The following SLIT2 variants were observed in gnomAD, a reference collection of about 807,000 sequenced individuals.
SLIT2 encodes the protein slit guidance ligand 2, also known as slit homolog 2 protein.
A neutral mutation model predicts 185.7 loss-of-function variants in SLIT2; 41 were observed. The observed-to-expected ratio is 0.22, with a 90% confidence interval of 0.17 to 0.29. The LOEUF (loss-of-function observed/expected upper bound fraction) is 0.29, where lower values mean the gene tolerates loss of function less well. Ranked by LOEUF, SLIT2 falls within the 10% of genes least tolerant of loss-of-function variation. The probability of loss-of-function intolerance (pLI) is 1.00; values close to 1 mark genes in which losing one functional copy is unlikely to be tolerated. For synonymous variants in SLIT2, 693 were observed against 680.2 expected (o/e 1.02, Z -0.29); for missense variants, 1,571 against 1,909.0 (o/e 0.82, Z 3.30).
At chr4:20,496,959 G>C (rs933302775) in intron 9 of SLIT2, among the ~76,000 whole-genome samples, 1 of 152,002 alleles carries the variant, frequency 6.6e-6, no homozygotes, top group African/African-American at 2.4e-5. Context: ...TAAATGCATA[G>C]AATTTTTAAT....
intron 21 of SLIT2, among the ~76,000 whole-genome samples, chr4:20,545,419 A>G (rs181418140): frequency 6.6e-6 from 1 of 151,818 alleles, no homozygotes; most frequent in East Asian, 1.9e-4. Flanking sequence ...ATAAGAAGGG[A>G]AAGTTTACTT....
At position 20,575,269 on chromosome 4, in the gene SLIT2, C is replaced by G. The variant is rs140272876; in HGVS notation, c.3088+6265C>G. 7.5e-3 allele frequency among the ~76,000 whole-genome samples: 1,143 copies of G among 152,292 alleles called. 13 individuals carry two copies. Among genetic ancestry groups the G allele is most frequent in the African/African-American group, 0.026 (1,068 of 41,560 alleles). On this transcript the variant is annotated intron_variant, in intron 29 of 36. Coordinates refer to ENST00000504154, the MANE Select transcript of SLIT2 (RefSeq NM_004787.4). ...CCCTTTTATTTCCAAGAATTTGCTG[C>G]TGACTGAATTTGCTTTTAAAAGCAG... is the stretch of plus-strand genomic sequence containing the variant.
intron 4 of SLIT2, among the ~76,000 whole-genome samples, chr4:20,442,954 A>G (rs537305388): frequency 5.9e-4 from 90 of 152,204 alleles, no homozygotes; most frequent in Admixed American, 1.0e-3. Flanking sequence ...AGTGAAATAG[A>G]AAAGGGCTTT....
chr4:20,292,563 G>T (rs534259849), intron 4 of SLIT2, among the ~76,000 whole-genome samples: 1 of 152,194 alleles, frequency 6.6e-6, no homozygotes, highest in Non-Finnish European at 1.5e-5. Context: ...ATAGTACTAG[G>T]TAGACAGTGT....
chr4:20,550,923 G>A, intron 25 of SLIT2, 25 bp downstream of exon 25: 1 of 1,386,888 alleles, frequency 7.2e-7, no homozygotes, highest in South Asian at 1.2e-5. Context: ...TATGAATATA[G>A]GTTTAGGGTC....
intron 12 of SLIT2, among the ~76,000 whole-genome samples, chr4:20,519,978 G>A (rs1022692313): frequency 4.4e-5 from 6 of 137,394 alleles, no homozygotes; most frequent in African/African-American, 1.6e-4. Context: ...AGCTTGCAAT[G>A]AGCAGAGATC....
At chr4:20,403,971 A>C (rs1560393543) in intron 4 of SLIT2, among the ~76,000 whole-genome samples, 1 of 151,942 alleles carries the variant, frequency 6.6e-6, no homozygotes, top group African/African-American at 2.4e-5. Flanking sequence ...GGCCGCATAC[A>C]AACATGAAAT....
chr4:20,440,199 G>A (rs1250949272), intron 4 of SLIT2, among the ~76,000 whole-genome samples: 1 of 152,008 alleles, frequency 6.6e-6, no homozygotes, highest in Non-Finnish European at 1.5e-5. Flanking sequence ...AACATAGTTA[G>A]GGGAAATAAA....
Position 20,567,262 on chromosome 4 carries a change from G to A in SLIT2, c.2726G>A (p.Gly909Asp), listed in dbSNP as rs1020555095. 8.7e-6 allele frequency: 14 copies of A among 1,606,178 alleles called. No individual in the cohort carries two copies. The highest frequency in any genetic ancestry group is 1.1e-5 in the South Asian group (1 of 89,176). The change falls in exon 27 of 37, where the codon GGT becomes GAT. Residue 909 changes from glycine to aspartate, a missense_variant and splice_region_variant. Gly to Asp is a moderately conservative substitution (Grantham distance 94). Around this residue, in one of 3 missense-constraint regions of SLIT2, gnomAD observed 1,202 missense variants for 1,416.4 expected, o/e 0.85. Transcript: ENST00000504154. The part of the protein sequence containing the change: ...TTPSKKFTCQ[G>D]PVDVNILAKC... ...CTTATATTTTTGAATTAATTTTCAG[G>A]TCCTGTGGATGTCAATATTCTAGCT...
intron 4 of SLIT2, among the ~76,000 whole-genome samples, chr4:20,367,704 C>G (rs1723222409): frequency 6.6e-6 from 1 of 152,114 alleles, no homozygotes; most frequent in Admixed American, 6.6e-5. Context: ...TCACTGAAGG[C>G]TTCTGACAGG....
intron 4 of SLIT2, among the ~76,000 whole-genome samples, chr4:20,324,742 A>G (rs1218929906): frequency 6.6e-6 from 1 of 152,196 alleles, no homozygotes; most frequent in Non-Finnish European, 1.5e-5. Context: ...GTAAATGATA[A>G]ACATATGCAG....
chr4:20,553,876 A>G lies in SLIT2; in HGVS notation c.2633A>G (p.Tyr878Cys). Residue 878 changes from tyrosine to cysteine, a missense_variant, in exon 26 of 37, where the codon TAT (tyrosine) becomes TGT (cysteine). By Grantham distance (194) the Tyr-to-Cys change is radical. Coordinates refer to ENST00000504154, the MANE Select transcript of SLIT2 (RefSeq NM_004787.4). ...TTATCCGACTGGGTGAAGTCGGAAT[A>G]TAAGGAGCCTGGAATTGCTCGTTGT... Reference protein sequence around the residue: ...QWLSDWVKSEYKEPGIARCAG... With the variant: ...QWLSDWVKSECKEPGIARCAG... 6.2e-7 allele frequency: 1 copy of G among 1,612,688 alleles called. No homozygotes were observed. The highest frequency in any genetic ancestry group is 8.5e-7 in the Non-Finnish European group (1 of 1,179,664).
intron 29 of SLIT2, among the ~76,000 whole-genome samples, chr4:20,575,179 A>G (rs1211226208): frequency 1.3e-5 from 2 of 152,294 alleles, no homozygotes; most frequent in East Asian, 3.9e-4. Flanking sequence ...TGGCAGTACA[A>G]GTGTTTTAAA....
At chr4:20,490,217 T>C (rs1317631723) in intron 8 of SLIT2, among the ~76,000 whole-genome samples, 2 of 152,222 alleles carry the variant, frequency 1.3e-5, no homozygotes, top group African/African-American at 4.8e-5. Context: ...ATTTCACATA[T>C]ATTTACCTCA....
chr4:20,350,490 A>T (rs1046386347), intron 4 of SLIT2, among the ~76,000 whole-genome samples: 2 of 152,194 alleles, frequency 1.3e-5, no homozygotes, highest in East Asian at 1.9e-4. Flanking sequence ...GGCTCATCTC[A>T]TAAGATCCCG....
chr4:20,359,582 A>G (rs1722583311), intron 4 of SLIT2, among the ~76,000 whole-genome samples: 1 of 152,052 alleles, frequency 6.6e-6, no homozygotes, highest in African/African-American at 2.4e-5. Flanking sequence ...TTGTCTAGGG[A>G]TCTTAGACTC....
At chr4:20,460,754 T>C (rs888222222) in intron 4 of SLIT2, among the ~76,000 whole-genome samples, 14 of 152,168 alleles carry the variant, frequency 9.2e-5, no homozygotes, top group Non-Finnish European at 1.8e-4. Context: ...GAGGACATCA[T>C]GTTAAGTGAA....
intron 4 of SLIT2, among the ~76,000 whole-genome samples, chr4:20,411,033 TTCCTA>T (rs1211965008): frequency 6.6e-6 from 1 of 152,246 alleles, no homozygotes; most frequent in Non-Finnish European, 1.5e-5. Context: ...ATATTGATTC[TTCCTA>T]TCCATGAGCA....
chr4:20,586,855 A>T (rs1454163161), intron 29 of SLIT2, among the ~76,000 whole-genome samples: 1 of 152,202 alleles, frequency 6.6e-6, no homozygotes, highest in Non-Finnish European at 1.5e-5. Flanking sequence ...AGGAGAAACC[A>T]TTAGCCCTGG....
Sources: gnomAD v4.1 joint callset for allele counts (sites outside exome capture counted in the v4.1 genomes callset) on GRCh38, gnomAD v4.1.1 for gene constraint, gnomAD v4.1.1 regional missense constraint, MANE v1.5 for transcripts, NCBI Gene and HGNC (gene_info 2026-07-23, HGNC 2026-07-21) for gene names.